Variants in ZNF142 observed in about 807,000 individuals in gnomAD.
ZNF142 encodes zinc finger protein 142.
In ZNF142, 96 loss-of-function variants were observed where a neutral mutation model predicts 132.1. The observed-to-expected ratio is 0.73, with a 90% confidence interval of 0.62 to 0.86. The LOEUF (loss-of-function observed/expected upper bound fraction) is 0.86. Ranked by LOEUF, ZNF142 falls within the 40% of genes least tolerant of loss-of-function variation. The pLI is 0.00. For synonymous variants in ZNF142, 842 were observed against 890.1 expected, an observed-to-expected ratio of 0.95 and a Z score of 0.96; for missense variants, 2,163 against 2,336.2, an observed-to-expected ratio of 0.93 and a Z score of 1.53.
rs762721118 is a variant in ZNF142, at chr2:218,644,019, C to G, written c.3097G>C (p.Gly1033Arg). The G allele has an allele frequency of 4.3e-6, 7 of 1,613,970 alleles. No homozygotes were observed. Among genetic ancestry groups the G allele is most frequent in the East Asian group, 4.5e-5 (2 of 44,886 alleles). Residue 1033 changes from glycine (G) to arginine (R), a missense_variant, in exon 9 of 11, where the codon GGG (glycine) becomes CGG (arginine). Physicochemically the swap from Gly to Arg is moderately radical, Grantham distance 125. This residue lies in a region of ZNF142 where 809 missense variants were observed against 801.7 expected (regional missense o/e 1.01). Transcript: ENST00000411696. The surrounding 1 kb of genome is among the most constrained non-coding windows in gnomAD (Gnocchi z 4.6). ...CAGTGTGGGCAGCGGAAGGCTCGCC[C>G]CTCTCCCTGGATCACTACCATCTGC... ...RVQMVVIQGE[G>R]RAFRCPHCPF... is the part of the protein sequence containing the mutation.
chr2:218,655,888 G>GAA (rs1027371791), intron 4 of ZNF142, among the ~76,000 whole-genome samples: 1 of 152,152 alleles, frequency 6.6e-6, no homozygotes, highest in Non-Finnish European at 1.5e-5. Context: ...GGAGGTGTCA[G>GAA]AAAGGTCTTA....
In ZNF142 at chr2:218,656,196, C is replaced by T. The variant is rs372934532; in HGVS notation, c.234G>A (p.Glu78=). Residue 78 remains glutamate (E), a synonymous_variant, in exon 4 of 11, where the codon GAG becomes GAA. Coordinates refer to ENST00000411696, the MANE Select transcript of ZNF142 (RefSeq NM_001379659.1). ...EGPGNMEIIV[E]TVAGTLTPGA... ...CTGGGGTCAGGGTTCCAGCTACTGT[C>T]TCCACAATGATCTCCATGTTCCCTG... 22 of 1,611,148 alleles carry T rather than the reference C, an allele frequency of 1.4e-5. No homozygotes were observed. The African/African-American group carries it at 2.9e-4, about 22-fold the overall frequency.
chr2:218,651,629 C>A, intron 5 of ZNF142, 72 bp downstream of exon 5: 1 of 1,200,938 alleles, frequency 8.3e-7, no homozygotes, highest in South Asian at 1.5e-5. Context: ...GCCTTGGAAA[C>A]AACTGCCTCT....
intron 9 of ZNF142, among the ~76,000 whole-genome samples, 161 bp from the exon 10 acceptor site, chr2:218,640,930 A>ATTT (rs34502703): frequency 5.9e-5 from 8 of 135,144 alleles, no homozygotes; most frequent in African/African-American, 1.6e-4. Flanking sequence ...CTTGCTAGGG[A>ATTT]TTTTTTTTTT....
rs1330518045 is a variant in ZNF142, at chr2:218,648,887, A to G, written c.1621T>C (p.Tyr541His). 1.2e-6 allele frequency: 2 copies of G among 1,614,070 alleles called. No homozygotes were observed. The highest frequency in any genetic ancestry group is 4.5e-5 in the East Asian group (2 of 44,898). ...TCACAGTGGGGGCAGTGGAAGGCGT[A>G]GTGACTCTTGTGGTGGGCCTCCATG... ...EAMEAHHKSH[Y>H]AFHCPHCDFA... Residue 541 changes from tyrosine (Y) to histidine (H), a missense_variant, in exon 7 of 11, where the codon TAC becomes CAC. Physicochemically the swap from Tyr to His is moderately conservative, Grantham distance 83 (BLOSUM62 2). Coordinates refer to ENST00000411696, the MANE Select transcript of ZNF142 (RefSeq NM_001379659.1).
Position 218,642,614 on chromosome 2 carries a change from A to C in ZNF142, c.4502T>G (p.Leu1501Arg), listed in dbSNP as rs764590837. The C allele has an allele frequency of 5.6e-6, 9 of 1,613,924 alleles. No homozygotes were observed. The highest frequency in any genetic ancestry group is 6.8e-6 in the Non-Finnish European group (8 of 1,180,006). ...CEAQFSSETA[L>R]KQHALRRHPE... ...GTGTCGGCGCAGAGCATGCTGCTTA[A>C]GTGCTGTCTCTGAGCTGAACTGGGC... is the stretch of plus-strand genomic sequence containing the variant. Residue 1501 changes from leucine to arginine, a missense_variant, in exon 9 of 11, where the codon CTT becomes CGT. Transcript: ENST00000411696. This position sits in a 1 kb window ranked among gnomAD's most constrained non-coding sequence, Gnocchi z 4.6.
At position 218,635,387 on chromosome 2, in the gene ZNF142, G is replaced by A. The variant is rs1696666044; in HGVS notation, c.*2952C>T. ...ACAGAGTCTTGCTCTGCTGCAGGCT[G>A]GAGTGCAGTGGCATGATCTTGGCTC... On this transcript the variant is annotated 3_prime_UTR_variant, in exon 11 of 11. Coordinates refer to ENST00000411696, the MANE Select transcript of ZNF142 (RefSeq NM_001379659.1). 6.6e-6 allele frequency among the ~76,000 whole-genome samples: 1 copy of A among 152,166 alleles called. No individual in the cohort carries two copies. Among genetic ancestry groups the A allele is most frequent in the African/African-American group, 2.4e-5 (1 of 41,442 alleles).
At chr2:218,641,280 T>C (rs1432186286) in intron 9 of ZNF142, among the ~76,000 whole-genome samples, 2 of 138,528 alleles carry the variant, frequency 1.4e-5, no homozygotes, top group African/African-American at 5.4e-5. Context: ...GGAGTCTCGC[T>C]GTGTCGCCCA....
intron 10 of ZNF142, 142 bp from the exon 11 acceptor site, chr2:218,638,950 A>G: frequency 1.5e-6 from 1 of 665,554 alleles, no homozygotes; most frequent in Non-Finnish European, 2.5e-6. Context: ...CCAGTCCTCC[A>G]GTCCTGTCTG....
rs920577296 is a variant in ZNF142 at position 218,636,007 on chromosome 2, T to C, written c.*2332A>G. ...TCCTTCTAGTCTGTCTTCCATTAAGTATAGCATCTGTTATTGCATGTCCCC... is the reference window on the plus strand; with the variant it reads ...TCCTTCTAGTCTGTCTTCCATTAAGCATAGCATCTGTTATTGCATGTCCCC... On this transcript the variant is annotated 3_prime_UTR_variant, in exon 11 of 11. Coordinates refer to ENST00000411696, the MANE Select transcript of ZNF142 (RefSeq NM_001379659.1). The C allele has an allele frequency of 1.9e-6, 3 of 1,599,420 alleles. No individual in the cohort carries two copies. In the African/African-American group the frequency reaches 4.0e-5, roughly 21 times the overall value.
In ZNF142 at chr2:218,649,092, G is replaced by C; in HGVS notation, c.1416C>G (p.Leu472=). ...FRLSQALKEH[L]KSHTAAAAAE... ...CTGCGGCTGCTGCCGTGTGGCTCTT[G>C]AGGTGCTCCTTTAGGGCCTGGCTGA... The change falls in exon 7 of 11, where the codon CTC becomes CTG. Residue 472 remains leucine, a synonymous_variant. Coordinates refer to ENST00000411696, the MANE Select transcript of ZNF142 (RefSeq NM_001379659.1). 6.2e-7 allele frequency: 1 copy of C among 1,613,982 alleles called. No homozygotes were observed. The highest frequency in any genetic ancestry group is 1.6e-4 in the Middle Eastern group (1 of 6,062).
rs1417869506 is a variant in ZNF142 at position 218,648,894 on chromosome 2, C to T, written c.1614G>A (p.Lys538=). 1.2e-6 allele frequency: 2 copies of T among 1,614,024 alleles called. No homozygotes were observed. The highest frequency in any genetic ancestry group is 1.3e-5 in the African/African-American group (1 of 74,932). Residue 538 remains lysine, a synonymous_variant, in exon 7 of 11, where the codon AAG becomes AAA. Coordinates refer to ENST00000411696, the MANE Select transcript of ZNF142 (RefSeq NM_001379659.1). ...GGGGGCAGTGGAAGGCGTAGTGACT[C>T]TTGTGGTGGGCCTCCATGGCTTCGG... is the stretch of plus-strand genomic sequence containing the variant. ...ATAEAMEAHH[K]SHYAFHCPHC... is the part of the protein sequence containing the mutation.
Position 218,650,438 on chromosome 2 carries a change from T to C in ZNF142, c.969A>G (p.Val323=). The change falls in exon 6 of 11, where the codon GTA becomes GTG. Residue 323 remains valine, a synonymous_variant. Transcript: ENST00000411696. ...GGGTGTCACTCTTCTCTTCTTTCTC[T>C]ACATTCTCCTCTTCAGCTGTCTCCT... ...PGQETAEEEN[V]EKEEKSDTQK... is the part of the protein sequence containing the mutation. 6.2e-7 allele frequency: 1 copy of C among 1,614,228 alleles called. No individual in the cohort carries two copies. Among genetic ancestry groups the C allele is most frequent in the Non-Finnish European group, 8.5e-7 (1 of 1,180,038 alleles).
chr2:218,648,520 T>C, intron 7 of ZNF142, 115 bp downstream of exon 7: 6 of 992,412 alleles, frequency 6.0e-6, no homozygotes, highest in South Asian at 5.0e-5. Flanking sequence ...CTTGGAATGC[T>C]AGATCTATCT....
At chr2:218,646,096 G>C (rs544545323) in intron 8 of ZNF142, 75 bp downstream of exon 8, 3 of 1,555,050 alleles carry the variant, frequency 1.9e-6, no homozygotes, top group South Asian at 1.2e-5. Context: ...AATAGGGCCA[G>C]AAGTTAGATC....
intron 7 of ZNF142, among the ~76,000 whole-genome samples, 195 bp downstream of exon 7, chr2:218,648,440 G>T (rs1277426542): frequency 2.0e-5 from 3 of 152,216 alleles, no homozygotes; most frequent in African/African-American, 7.2e-5. Flanking sequence ...GAATCAGACT[G>T]CATGGATTCA....
intron 6 of ZNF142, 79 bp from the exon 7 acceptor site, chr2:218,649,538 T>A: frequency 7.4e-7 from 1 of 1,348,290 alleles, no homozygotes; most frequent in Non-Finnish European, 1.0e-6. Context: ...CACAATTTGC[T>A]CAGACACAAA....
At chr2:218,656,078 A>T in intron 4 of ZNF142, 72 bp downstream of exon 4, 2 of 1,434,056 alleles carry the variant, frequency 1.4e-6, no homozygotes, top group African/African-American at 2.8e-5. Flanking sequence ...ATATTTATAC[A>T]GAATCAAAAA....
In ZNF142 at chr2:218,643,014, G is replaced by A. The variant is rs369807902; in HGVS notation, c.4102C>T (p.Arg1368Trp). The change falls in exon 9 of 11, where the codon CGG (arginine) becomes TGG (tryptophan). Residue 1368 changes from arginine to tryptophan, a missense_variant. Around this residue, in one of 7 missense-constraint regions of ZNF142, gnomAD observed 809 missense variants for 801.7 expected, o/e 1.01. Transcript: ENST00000411696. Reference protein sequence around the residue: ...HPTAAPARGPRPHLQCGDCGF... With the variant: ...HPTAAPARGPWPHLQCGDCGF... The stretch of plus-strand genomic sequence containing the variant: ...CAGTCCCCACACTGTAGATGGGGCC[G>A]GGGCCCACGGGCTGGGGCTGCAGTG... The A allele has an allele frequency of 4.5e-5, 72 of 1,604,834 alleles. No individual in the cohort carries two copies. Among genetic ancestry groups the A allele is most frequent in the Middle Eastern group, 3.3e-4 (2 of 6,054 alleles).
Sources: allele counts gnomAD v4.1 joint callset (sites outside exome capture counted in the v4.1 genomes callset), GRCh38; gene constraint gnomAD v4.1.1; regional missense constraint gnomAD v4.1.1; non-coding constraint Gnocchi (gnomAD v3.1); transcripts MANE v1.5; gene names NCBI Gene and HGNC (gene_info 2026-07-23, HGNC 2026-07-21).